The following ACVRL1 variants were observed in gnomAD, a reference collection of about 807,000 sequenced individuals.
ACVRL1 encodes activin A receptor like type 1, also known as activin receptor type-1-like.
Under a neutral mutation model 51.9 loss-of-function variants are expected in ACVRL1, and 20 were observed. That is an observed-to-expected ratio of 0.39 (90% confidence interval 0.27 to 0.56). The LOEUF (loss-of-function observed/expected upper bound fraction) is 0.56, where lower values mean the gene tolerates loss of function less well. Among genes scored for constraint, ACVRL1 ranks in the 20% least tolerant of loss-of-function variants. The pLI is 0.67. For synonymous variants in ACVRL1, 288 were observed against 280.9 expected, an observed-to-expected ratio of 1.03 and a Z score of -0.25; for missense variants, 451 against 670.3, an observed-to-expected ratio of 0.67 and a Z score of 3.61.
chr12:51,916,755 C>T (rs1002131208), intron 8 of ACVRL1, among the ~76,000 whole-genome samples: 2 of 152,350 alleles, frequency 1.3e-5, no homozygotes, highest in Non-Finnish European at 2.9e-5. Context: ...AGGCAGATCA[C>T]CTGAGGTCAG....
At chr12:51,914,380 G>C (rs537246355) in intron 5 of ACVRL1, 59 bp from the exon 6 acceptor site, 193 of 1,610,568 alleles carry the variant, frequency 1.2e-4, no homozygotes, top group Non-Finnish European at 1.5e-4. Context: ...AAGATGGGGG[G>C]CTCTTCCAGG....
chr12:51,915,595 C>A, intron 7 of ACVRL1, 95 bp downstream of exon 7: 1 of 1,462,838 alleles, frequency 6.8e-7, no homozygotes, highest in Non-Finnish European at 9.1e-7. Context: ...ATGATTAGCA[C>A]TTGAAAATTT....
In ACVRL1 at chr12:51,913,782, G is replaced by A; in HGVS notation, c.525+12G>A. 6.2e-7 allele frequency: 1 copy of A among 1,610,186 alleles called. No individual in the cohort carries two copies. The highest frequency in any genetic ancestry group is 2.2e-5 in the East Asian group (1 of 44,882). On this transcript the variant is annotated intron_variant, in intron 4 of 9. Transcript: ENST00000388922. ...ACAGCATGTTGGGGGTATGGGCCTG[G>A]GGACCTGGGACACAGGGTGTAGGAG...
At chr12:51,911,478 G>C (rs925495961) in intron 1 of ACVRL1, among the ~76,000 whole-genome samples, 1 of 152,184 alleles carries the variant, frequency 6.6e-6, no homozygotes, top group Non-Finnish European at 1.5e-5. Context: ...GAACAGCTCC[G>C]AGAGGGCAGC....
chr12:51,912,557 A>G lies in ACVRL1; in HGVS notation c.61+22A>G, dbSNP rs706812. The G allele has an allele frequency of 6.5e-3, 10,312 of 1,580,422 alleles. 500 individuals are homozygous for G. In the African/African-American group the frequency reaches 0.12, roughly 19 times the overall value. On this transcript the variant is annotated intron_variant, in intron 2 of 9. Coordinates refer to ENST00000388922, the MANE Select transcript of ACVRL1 (RefSeq NM_000020.3). ...CAGGGTGAGTACTGGGGGAGCAGTT[A>G]GGAAACAGGAACCTGGATACAGAAA...
chr12:51,915,690 T>G, intron 7 of ACVRL1, 190 bp downstream of exon 7: 2 of 817,240 alleles, frequency 2.4e-6, no homozygotes, highest in Non-Finnish European at 3.7e-6. Context: ...CCTTCCACCA[T>G]ACCATCCTGG....
Position 51,919,034 on chromosome 12 carries a change from C to G in ACVRL1, c.1296C>G (p.Asp432Glu). 6.2e-7 allele frequency: 1 copy of G among 1,614,148 alleles called. No individual in the cohort carries two copies. The highest frequency in any genetic ancestry group is 2.2e-5 in the East Asian group (1 of 44,882). ...CCTTCTATGATGTGGTGCCCAATGA[C>G]CCCAGCTTTGAGGACATGAAGAAGG... ...RPPFYDVVPNDPSFEDMKKVV... is the reference protein window; with the variant it reads ...RPPFYDVVPNEPSFEDMKKVV... Residue 432 changes from aspartate to glutamate, a missense_variant, in exon 9 of 10, where the codon GAC becomes GAG. This residue lies in a region of ACVRL1 where 259 missense variants were observed against 453.4 expected (regional missense o/e 0.57). Transcript: ENST00000388922.
chr12:51,915,380 C>G lies in ACVRL1; in HGVS notation c.928C>G (p.Leu310Val). The change falls in exon 7 of 10, where the codon CTG becomes GTG. Residue 310 changes from leucine to valine, a missense_variant. By Grantham distance (32) the Leu-to-Val change is conservative (BLOSUM62 1). Around this residue, in one of 2 missense-constraint regions of ACVRL1, gnomAD observed 259 missense variants for 453.4 expected, o/e 0.57. Transcript: ENST00000388922. ...LRLAVSAACG[L>V]AHLHVEIFGT... ...GCTAGCTGTGTCCGCGGCATGCGGCCTGGCGCACCTGCACGTGGAGATCTT... is the reference window on the plus strand; with the variant it reads ...GCTAGCTGTGTCCGCGGCATGCGGCGTGGCGCACCTGCACGTGGAGATCTT... 6.2e-7 allele frequency: 1 copy of G among 1,614,052 alleles called. No homozygotes were observed. Among genetic ancestry groups the G allele is most frequent in the African/African-American group, 1.3e-5 (1 of 75,082 alleles).
In ACVRL1 at chr12:51,917,966, A is replaced by G. The variant is rs1940878399; in HGVS notation, c.1247-1019A>G. ...ATTAGACACATTCAGGCCTCTGTGC[A>G]GCACTGATTAGGGCGTGAGCGGCAC... is the stretch of plus-strand genomic sequence containing the variant. On this transcript the variant is annotated intron_variant, in intron 8 of 9. Coordinates refer to ENST00000388922, the MANE Select transcript of ACVRL1 (RefSeq NM_000020.3). This position sits in a 1 kb window ranked among gnomAD's most constrained non-coding sequence, Gnocchi z 4.2. Among the ~76,000 whole-genome samples the G allele has an allele frequency of 6.6e-6, 1 of 152,256 alleles. No individual in the cohort carries two copies. The highest frequency in any genetic ancestry group is 2.1e-4 in the South Asian group (1 of 4,832).
intron 7 of ACVRL1, chr12:51,915,767 T>C (rs1940822651): frequency 6.2e-6 from 4 of 644,848 alleles, no homozygotes; most frequent in South Asian, 4.0e-5. Flanking sequence ...TTCGCCAGCC[T>C]CCAGGTCTGC....
intron 1 of ACVRL1, among the ~76,000 whole-genome samples, chr12:51,911,225 C>T (rs1006745354): frequency 2.0e-5 from 3 of 152,198 alleles, no homozygotes; most frequent in Non-Finnish European, 4.4e-5. Flanking sequence ...TGGTTCTAAA[C>T]CTGTGAGAAA....
intron 9 of ACVRL1, 92 bp downstream of exon 9, chr12:51,919,207 C>T: frequency 6.3e-6 from 10 of 1,581,286 alleles, no homozygotes; most frequent in Non-Finnish European, 8.6e-6. Flanking sequence ...GCCTCTGCTT[C>T]ATCTCATAGA....
At chr12:51,916,425 C>G (rs1210606638) in intron 8 of ACVRL1, among the ~76,000 whole-genome samples, 192 bp downstream of exon 8, 2 of 152,194 alleles carry the variant, frequency 1.3e-5, no homozygotes, top group Admixed American at 1.3e-4. Flanking sequence ...ATAACAGGGT[C>G]TGTGAGTCTG....
chr12:51,913,911 A>G lies in ACVRL1; in HGVS notation c.526-63A>G. The G allele has an allele frequency of 1.3e-6, 2 of 1,589,368 alleles. 1 individual carries two copies. On this transcript the variant is annotated intron_variant, in intron 4 of 9. Transcript: ENST00000388922. ...CAGTGACCCAGCAGGTCCCAGGTCG[A>G]GGATAGAGAAGGGGGCTGTGGCTGG... is the stretch of plus-strand genomic sequence containing the variant.
intron 1 of ACVRL1, among the ~76,000 whole-genome samples, chr12:51,908,034 C>A (rs3782479): frequency 0.078 from 11,841 of 152,260 alleles, 580 homozygotes; most frequent in Admixed American, 0.15. Flanking sequence ...AGGGATCACA[C>A]GTCCTCCAGG....
chr12:51,915,618 T>A, intron 7 of ACVRL1, 118 bp downstream of exon 7: 1 of 1,360,854 alleles, frequency 7.3e-7, no homozygotes, highest in Non-Finnish European at 9.8e-7. Context: ...AGGTGCATGT[T>A]GTTTCAGTTC....
chr12:51,919,363 CTGTGTG>C (rs55945390), intron 9 of ACVRL1: 9,213 of 385,732 alleles, frequency 0.024, 1 homozygote, highest in South Asian at 0.049. Flanking sequence ...ATCTGTGGCT[CTGTGTG>C]TGTGTGTGTG....
upstream of ACVRL1, among the ~76,000 whole-genome samples, chr12:51,907,201 G>A (rs1940610906): frequency 6.6e-6 from 1 of 152,034 alleles, no homozygotes; most frequent in East Asian, 1.9e-4. This position sits in a 1 kb window ranked among gnomAD's most constrained non-coding sequence, Gnocchi z 4.5. Context: ...GGACCCCTAT[G>A]GGACCCCCAC....
intron 6 of ACVRL1, 89 bp from the exon 7 acceptor site, chr12:51,915,136 C>T (rs2139072333): frequency 6.9e-7 from 1 of 1,450,180 alleles, no homozygotes. Context: ...AGTCCATTCC[C>T]TCTCCCCCAA....
Sources: allele counts gnomAD v4.1 joint callset (sites outside exome capture counted in the v4.1 genomes callset), GRCh38; gene constraint gnomAD v4.1.1; regional missense constraint gnomAD v4.1.1; non-coding constraint Gnocchi (gnomAD v3.1); transcripts MANE v1.5; gene names NCBI Gene and HGNC (gene_info 2026-07-23, HGNC 2026-07-21).